Variants in PATL1 observed in about 807,000 individuals in gnomAD.
PATL1 encodes the protein protein PAT1 homolog 1.
Under a neutral mutation model 100.6 loss-of-function variants are expected in PATL1, and 32 were observed. That is an observed-to-expected ratio of 0.32 (90% CI 0.24 to 0.43). The LOEUF is 0.43. Ranked by LOEUF, PATL1 falls within the 20% of genes least tolerant of loss-of-function variation. PATL1 has a pLI of 1.00. For synonymous variants in PATL1, 332 were observed against 330.0 expected, an observed-to-expected ratio of 1.01 and a Z score of -0.07; for missense variants, 747 against 949.9, an observed-to-expected ratio of 0.79 and a Z score of 2.81.
chr11:59,656,436 A>G, intron 6 of PATL1, 63 bp downstream of exon 6: 3 of 1,346,860 alleles, frequency 2.2e-6, no homozygotes, highest in Non-Finnish European at 3.1e-6. Flanking sequence ...ACTGGCAGTG[A>G]TCTTACAAAT....
chr11:59,644,706 G>C (rs1861335416), intron 15 of PATL1, among the ~76,000 whole-genome samples: 1 of 152,086 alleles, frequency 6.6e-6, no homozygotes, highest in Non-Finnish European at 1.5e-5. Flanking sequence ...TCAGTAGGAT[G>C]TGGGAGGGAC....
chr11:59,643,959 A>T (rs1861325784), intron 15 of PATL1, among the ~76,000 whole-genome samples: 1 of 152,248 alleles, frequency 6.6e-6, no homozygotes, highest in African/African-American at 2.4e-5. Flanking sequence ...TAACTAGGTT[A>T]TAACACAACA....
intron 2 of PATL1, among the ~76,000 whole-genome samples, chr11:59,661,255 T>G (rs1861621276): frequency 6.6e-6 from 1 of 152,070 alleles, no homozygotes; most frequent in Non-Finnish European, 1.5e-5. Flanking sequence ...CAGGCTAATT[T>G]TTATATTTTT....
Position 59,659,469 on chromosome 11 carries a change from T to C in PATL1, c.128A>G (p.Asp43Gly). 6.5e-7 allele frequency: 1 copy of C among 1,549,072 alleles called. No homozygotes were observed. Among genetic ancestry groups the C allele is most frequent in the Non-Finnish European group, 8.7e-7 (1 of 1,146,852 alleles). The change falls in exon 3 of 19, where the codon GAT (aspartate) becomes GGT (glycine). Residue 43 changes from aspartate to glycine, a missense_variant and splice_region_variant. Physicochemically the swap from Asp to Gly is moderately conservative, Grantham distance 94. Transcript: ENST00000300146. ...NDDTFGSGAVDDDWQEAHERL... is the reference protein window; with the variant it reads ...NDDTFGSGAVGDDWQEAHERL... ...CTCATGTGCTTCCTGCCAATCATCA[T>C]CTATAAGATGACACAGTTCATGTAA...
chr11:59,655,466 T>A (rs1861514468), intron 8 of PATL1, 57 bp downstream of exon 8: 7 of 1,377,662 alleles, frequency 5.1e-6, no homozygotes, highest in Non-Finnish European at 5.9e-6. Context: ...AAACTACACA[T>A]CCACAATCAA....
In PATL1 at chr11:59,647,811, A is replaced by G. The variant is rs116313002; in HGVS notation, c.1836T>C (p.Ile612=). ...GGAGGTTCCTGGCTGTTGTCATGAGAATGTCAGCTGCTTGCTCTGTGGAGA... is the reference window on the plus strand; with the variant it reads ...GGAGGTTCCTGGCTGTTGTCATGAGGATGTCAGCTGCTTGCTCTGTGGAGA... ...PFLSTEQAAD[I]LMTTARNLPF... Residue 612 remains isoleucine, a synonymous_variant, in exon 15 of 19, where the codon ATT becomes ATC. Coordinates refer to ENST00000300146, the MANE Select transcript of PATL1 (RefSeq NM_152716.3). 1 of 1,613,946 alleles carries G rather than the reference A, an allele frequency of 6.2e-7. No individual in the cohort carries two copies. Among genetic ancestry groups the G allele is most frequent in the African/African-American group, 1.3e-5 (1 of 75,026 alleles).
chr11:59,656,757 G>A (rs1056353681), intron 5 of PATL1, among the ~76,000 whole-genome samples, 157 bp from the exon 6 acceptor site: 7 of 152,132 alleles, frequency 4.6e-5, no homozygotes, highest in African/African-American at 1.7e-4. Context: ...CAGAACCTTG[G>A]GCCACTTTCT....
chr11:59,660,672 G>C (rs1053223393), intron 2 of PATL1, among the ~76,000 whole-genome samples: 3 of 152,110 alleles, frequency 2.0e-5, no homozygotes, highest in Non-Finnish European at 4.4e-5. Context: ...AAGAAAATGA[G>C]GTCAAGAAGT....
At chr11:59,650,003 C>T (rs908131822) in intron 13 of PATL1, among the ~76,000 whole-genome samples, 8 of 152,142 alleles carry the variant, frequency 5.3e-5, no homozygotes, top group African/African-American at 1.9e-4. Flanking sequence ...TGCCTATAAT[C>T]CCAGCTACGC....
chr11:59,668,439 T>C (rs1861723349), intron 1 of PATL1, among the ~76,000 whole-genome samples: 1 of 151,572 alleles, frequency 6.6e-6, no homozygotes, highest in African/African-American at 2.4e-5. Context: ...CCTGTGTGAA[T>C]GGGATGTGTG....
chr11:59,644,023 C>T (rs982324320), intron 15 of PATL1, among the ~76,000 whole-genome samples: 8 of 152,156 alleles, frequency 5.3e-5, no homozygotes, highest in Non-Finnish European at 1.0e-4. Context: ...AAAGTGATGG[C>T]TGGTTTTACT....
intron 12 of PATL1, among the ~76,000 whole-genome samples, 189 bp downstream of exon 12, chr11:59,651,355 C>T (rs1565132792): frequency 6.6e-6 from 1 of 152,176 alleles, no homozygotes; most frequent in African/African-American, 2.4e-5. Context: ...TAGTCCCTGC[C>T]TGGCTGCCTT....
intron 2 of PATL1, among the ~76,000 whole-genome samples, chr11:59,663,468 A>AT (rs1861651989): frequency 1.3e-5 from 2 of 152,186 alleles, no homozygotes; most frequent in Admixed American, 1.3e-4. Context: ...ACTATTAAAC[A>AT]TAACTAGTAG....
chr11:59,667,329 T>A (rs555114201), intron 1 of PATL1, among the ~76,000 whole-genome samples: 3 of 152,220 alleles, frequency 2.0e-5, no homozygotes, highest in Non-Finnish European at 2.9e-5. Context: ...AACCCTTTAT[T>A]TTCTTGTATC....
chr11:59,666,285 AC>A, intron 2 of PATL1, among the ~76,000 whole-genome samples: 1 of 152,228 alleles, frequency 6.6e-6, no homozygotes, highest in South Asian at 2.1e-4. Context: ...ATGTATCTAT[AC>A]CCAGGGATGG....
intron 11 of PATL1, 30 bp downstream of exon 11, chr11:59,652,434 T>G (rs1861460885): frequency 6.3e-7 from 1 of 1,586,914 alleles, no homozygotes; most frequent in Non-Finnish European, 8.5e-7. Flanking sequence ...ATTTCTTTTA[T>G]TATGGGCATT....
intron 15 of PATL1, among the ~76,000 whole-genome samples, chr11:59,647,010 A>C (rs1283126882): frequency 6.6e-6 from 1 of 152,090 alleles, no homozygotes; most frequent in East Asian, 1.9e-4. Flanking sequence ...GCACGAGTCT[A>C]GGAGTTTGAG....
chr11:59,651,531 T>C lies in PATL1; in HGVS notation c.1524+13A>G, dbSNP rs1032660734. The C allele has an allele frequency of 4.4e-6, 7 of 1,586,100 alleles. No individual in the cohort carries two copies. The highest frequency in any genetic ancestry group is 4.0e-5 in the African/African-American group (3 of 74,104). ...TCAGACGTTCTTAAACAGACAATTG[T>C]GTTGACACTTACATCATCCTCACTC... On this transcript the variant is annotated intron_variant, in intron 12 of 18. Transcript: ENST00000300146.
chr11:59,658,509 G>A (rs1453083345), intron 4 of PATL1, among the ~76,000 whole-genome samples: 2 of 152,018 alleles, frequency 1.3e-5, no homozygotes, highest in African/African-American at 4.8e-5. Context: ...TTTTAGTAAG[G>A]ATGGGGTTTC....
Sources: gnomAD v4.1 joint callset for allele counts (sites outside exome capture counted in the v4.1 genomes callset) on GRCh38, gnomAD v4.1.1 for gene constraint, MANE v1.5 for transcripts, NCBI Gene and HGNC (gene_info 2026-07-23, HGNC 2026-07-21) for gene names.